AGBL1: variants seen among roughly 807,000 people sequenced by gnomAD.
The protein encoded by AGBL1 is AGBL carboxypeptidase 1.
Under a neutral mutation model 118.9 loss-of-function variants are expected in AGBL1, and 130 were observed. The ratio of observed to expected loss-of-function variants is 1.09; its 90% confidence interval spans 0.95 to 1.26. The LOEUF (loss-of-function observed/expected upper bound fraction) is 1.26. Among genes scored for constraint, AGBL1 ranks in the 50% most tolerant of loss-of-function variants. AGBL1 has a pLI of 0.00. For synonymous variants in AGBL1, 555 were observed against 478.9 expected, an observed-to-expected ratio of 1.16 and a Z score of -2.08; for missense variants, 1,584 against 1,298.1, an observed-to-expected ratio of 1.22 and a Z score of -3.38.
rs561320904 is a variant in AGBL1, at chr15:86,415,444, A to G, written c.2555+17898A>G. 4.6e-5 allele frequency among the ~76,000 whole-genome samples: 7 copies of G among 152,320 alleles called. No homozygotes were observed. In the East Asian group the frequency reaches 1.4e-3, roughly 29 times the overall value. ...TAATGACCTTTTTAATAAGGCCATTATGAGTTAAGTGAGTTACTATATAAT... is the reference window on the plus strand; with the variant it reads ...TAATGACCTTTTTAATAAGGCCATTGTGAGTTAAGTGAGTTACTATATAAT... On this transcript the variant is annotated intron_variant, in intron 18 of 22. Transcript: ENST00000614907.
At chr15:86,274,782 G>C (rs2079219835) in intron 15 of AGBL1, among the ~76,000 whole-genome samples, 2 of 152,150 alleles carry the variant, frequency 1.3e-5, no homozygotes, top group South Asian at 4.1e-4. Context: ...CATCGAGACA[G>C]CCATGCCAAT....
At chr15:86,369,228 A>G (rs1050104118) in intron 17 of AGBL1, among the ~76,000 whole-genome samples, 2 of 152,232 alleles carry the variant, frequency 1.3e-5, no homozygotes, top group African/African-American at 4.8e-5. Context: ...ACTGGCTACA[A>G]AAACTAATTC....
chr15:86,215,217 ATGTATGCG>A (rs1386189444), intron 5 of AGBL1, among the ~76,000 whole-genome samples: 60 of 128,278 alleles, frequency 4.7e-4, no homozygotes, highest in African/African-American at 9.9e-4. Flanking sequence ...GTGAGTGTAT[ATGTATGCG>A]TGTGTGTGTG....
At chr15:86,705,581 C>T (rs2086435708) in intron 22 of AGBL1, among the ~76,000 whole-genome samples, 1 of 152,144 alleles carries the variant, frequency 6.6e-6, no homozygotes, top group African/African-American at 2.4e-5. Flanking sequence ...CAGCCACTCG[C>T]TTCATTCCTC....
intron 24 of AGBL1, chr15:86,988,483 T>A (rs1218572207): frequency 1.3e-5 from 2 of 156,368 alleles, no homozygotes; most frequent in African/African-American, 2.4e-5. Flanking sequence ...CATTTTGAGG[T>A]ACACTGCAAT....
intron 23 of AGBL1, among the ~76,000 whole-genome samples, chr15:86,970,314 C>T (rs2141701858): frequency 6.6e-6 from 1 of 151,994 alleles, no homozygotes; most frequent in Admixed American, 6.6e-5. Context: ...TTAGTATGAG[C>T]AAGCACCATT....
At chr15:86,116,081 G>A (rs759100868) in intron 1 of AGBL1, among the ~76,000 whole-genome samples, 1 of 152,038 alleles carries the variant, frequency 6.6e-6, no homozygotes, top group Non-Finnish European at 1.5e-5. Context: ...AAATAGGCAG[G>A]GAACCTAGAA....
At chr15:86,518,876 G>A (rs2083153532) in intron 18 of AGBL1, among the ~76,000 whole-genome samples, 1 of 151,248 alleles carries the variant, frequency 6.6e-6, no homozygotes, top group Non-Finnish European at 1.5e-5. Flanking sequence ...GCATTTCAAA[G>A]CTAAAAATGC....
At chr15:86,295,081 G>A (rs1312253407) in intron 16 of AGBL1, among the ~76,000 whole-genome samples, 174 bp from the exon 17 acceptor site, 1 of 152,192 alleles carries the variant, frequency 6.6e-6, no homozygotes. Flanking sequence ...GTCTCACTGA[G>A]TTTCTCCTAC....
At chr15:86,137,935 T>C (rs146348867) in intron 1 of AGBL1, among the ~76,000 whole-genome samples, 251 of 152,326 alleles carry the variant, frequency 1.6e-3, no homozygotes, top group African/African-American at 5.9e-3. Context: ...ATATACCATA[T>C]GCCCAGTTCT....
intron 22 of AGBL1, among the ~76,000 whole-genome samples, chr15:86,798,217 A>C (rs2078601043): frequency 6.6e-6 from 1 of 152,164 alleles, no homozygotes; most frequent in Non-Finnish European, 1.5e-5. Flanking sequence ...CTTTGCCTTC[A>C]AAATCTCGAG....
In AGBL1 at chr15:86,816,541, A is replaced by G. The variant is rs148946519; in HGVS notation, c.3159-90546A>G. Among the ~76,000 whole-genome samples the G allele has an allele frequency of 6.6e-5, 10 of 152,360 alleles. No homozygotes were observed. The East Asian group carries it at 1.9e-3, about 29-fold the overall frequency. ...TTCATCTGGAAGTTTCGCTGTTAAG[A>G]GAAGGTGACAGGTAAAAATAGTGAG... is the stretch of plus-strand genomic sequence containing the variant. On this transcript the variant is annotated intron_variant, in intron 22 of 22. Coordinates refer to ENST00000614907, the MANE Select transcript of AGBL1 (RefSeq NM_001386094.1).
At chr15:86,940,487 A>T (rs1046678265) in intron 23 of AGBL1, among the ~76,000 whole-genome samples, 3 of 152,190 alleles carry the variant, frequency 2.0e-5, no homozygotes, top group African/African-American at 7.2e-5. Context: ...AATACCTGGC[A>T]TATAATGTTG....
chr15:86,380,207 C>G lies in AGBL1; in HGVS notation c.2375-17159C>G, dbSNP rs527419549. 1.6e-4 allele frequency among the ~76,000 whole-genome samples: 25 copies of G among 151,894 alleles called. No individual in the cohort carries two copies. In the East Asian group the frequency reaches 4.8e-3, roughly 29 times the overall value. The stretch of plus-strand genomic sequence containing the variant: ...GACAGATATTCTGGACCCAGAGTTC[C>G]CTTCCTCCCTCTCTCATTCCCTCCC... On this transcript the variant is annotated intron_variant, in intron 17 of 22. Coordinates refer to ENST00000614907, the MANE Select transcript of AGBL1 (RefSeq NM_001386094.1).
At chr15:86,810,081 C>A (rs1356989581) in intron 22 of AGBL1, among the ~76,000 whole-genome samples, 1 of 152,108 alleles carries the variant, frequency 6.6e-6, no homozygotes, top group African/African-American at 2.4e-5. Flanking sequence ...CAGCCTTGGT[C>A]AGTATGCCTC....
intron 16 of AGBL1, among the ~76,000 whole-genome samples, chr15:86,288,044 C>G (rs2079482290): frequency 6.6e-6 from 1 of 152,198 alleles, no homozygotes. Context: ...CTTGTTCACA[C>G]CACAGCACTT....
At chr15:86,086,915 C>A (rs973343736) in intron 1 of AGBL1, among the ~76,000 whole-genome samples, 1 of 152,136 alleles carries the variant, frequency 6.6e-6, no homozygotes, top group African/African-American at 2.4e-5. Context: ...AATAGTGCTG[C>A]TTTGCACATT....
chr15:86,694,797 T>C (rs1385061035), intron 22 of AGBL1, among the ~76,000 whole-genome samples: 1 of 152,026 alleles, frequency 6.6e-6, no homozygotes, highest in Non-Finnish European at 1.5e-5. Context: ...AAGGTTTTAG[T>C]CATAAAGCGA....
chr15:86,134,571 C>T (rs542139217), intron 1 of AGBL1, among the ~76,000 whole-genome samples: 1 of 148,228 alleles, frequency 6.7e-6, no homozygotes, highest in Non-Finnish European at 1.5e-5. Flanking sequence ...CTTTTTTCCC[C>T]TCCACTTTAA....
Sources: gnomAD v4.1 joint callset for allele counts (sites outside exome capture counted in the v4.1 genomes callset) on GRCh38, gnomAD v4.1.1 for gene constraint, MANE v1.5 for transcripts, NCBI Gene and HGNC (gene_info 2026-07-23, HGNC 2026-07-21) for gene names.